TREML4: variants seen among roughly 807,000 people sequenced by gnomAD.
TREML4 encodes the protein trem-like transcript 4 protein.
TREML4 carries 25 observed loss-of-function variants against 25.4 expected under a neutral mutation model. The ratio of observed to expected loss-of-function variants is 0.98; its 90% CI spans 0.72 to 1.37. TREML4 has a LOEUF of 1.37. Among genes scored for constraint, TREML4 ranks in the 40% most tolerant of loss-of-function variants. The pLI is 0.00. For missense variants in TREML4, 268 were observed against 236.5 expected, an observed-to-expected ratio of 1.13 and a Z score of -0.87; for synonymous variants, 92 against 87.9, an observed-to-expected ratio of 1.05 and a Z score of -0.26.
In TREML4 at chr6:41,230,102, C is replaced by T; in HGVS notation, c.486C>T (p.Ser162=). The change falls in exon 4 of 6, where the codon TCC becomes TCT. Residue 162 remains serine (S), a synonymous_variant. Coordinates refer to ENST00000341495, the MANE Select transcript of TREML4 (RefSeq NM_198153.3). ...CAGAGGGGACCTCTGGCCATCCCTCCATCAATGGCTCTGAGACCAGGTAGG... is the reference window on the plus strand; with the variant it reads ...CAGAGGGGACCTCTGGCCATCCCTCTATCAATGGCTCTGAGACCAGGTAGG... The part of the protein sequence containing the change: ...TSPEGTSGHP[S]INGSETRKSR... 1 of 1,611,962 alleles carries T rather than the reference C, an allele frequency of 6.2e-7. No individual in the cohort carries two copies. The highest frequency in any genetic ancestry group is 1.1e-5 in the South Asian group (1 of 91,038).
At position 41,228,359 on chromosome 6, in the gene TREML4, T is replaced by G; in HGVS notation, c.-69T>G. The G allele has an allele frequency of 9.7e-7, 1 of 1,035,590 alleles. No homozygotes were observed. The allele number at this position is 1,035,590 out of a possible 1,614,324, so 64.2% of individuals were successfully genotyped here. A position where few individuals can be genotyped will look rare whatever the true frequency, so the allele number is the denominator to read the frequency against. ...ACCTGGGGCAGAATCAGACCCAGCG[T>G]CTGACTCCTCCTGAGAGGGCTCCCT... On this transcript the variant is annotated 5_prime_UTR_variant, in exon 1 of 6. Coordinates refer to ENST00000341495, the MANE Select transcript of TREML4 (RefSeq NM_198153.3).
At chr6:41,229,456 A>G (rs1437386881) in intron 2 of TREML4, 65 bp from the exon 3 acceptor site, 10 of 1,575,608 alleles carry the variant, frequency 6.3e-6, no homozygotes, top group African/African-American at 4.1e-5. Flanking sequence ...CCTCTTATGT[A>G]TGGGGTAGAC....
rs373988380 is a variant in TREML4, at chr6:41,236,581, G to T, written c.602G>T (p.Ter201LeuextTer41). ...CTCCTGGCCAAGGGCCTGATGTTGTGAGTCCTGTTAGTGCTCCTGATCTGC... is the reference window on the plus strand; with the variant it reads ...CTCCTGGCCAAGGGCCTGATGTTGTTAGTCCTGTTAGTGCTCCTGATCTGC... ...GLLLAKGLML[*>L] Residue 201 changes from the stop codon to leucine (L), a stop_lost, in exon 5 of 6, where the codon TGA becomes TTA. Coordinates refer to ENST00000341495, the MANE Select transcript of TREML4 (RefSeq NM_198153.3). 1.1e-5 allele frequency: 18 copies of T among 1,613,474 alleles called. No individual in the cohort carries two copies. The highest frequency in any genetic ancestry group is 1.5e-5 in the Non-Finnish European group (18 of 1,179,552).
At chr6:41,235,528 G>A (rs1052276602) in intron 4 of TREML4, among the ~76,000 whole-genome samples, 3 of 152,052 alleles carry the variant, frequency 2.0e-5, no homozygotes, top group Non-Finnish European at 4.4e-5. Flanking sequence ...ATTTCTATGA[G>A]GAATAATCAT....
At chr6:41,235,037 C>T (rs6922100) in intron 4 of TREML4, among the ~76,000 whole-genome samples, 51,605 of 151,732 alleles carry the variant, frequency 0.34, 8,783 homozygotes, top group Middle Eastern at 0.43. Context: ...CGAGGAGAGT[C>T]TTATCACAAA....
intron 3 of TREML4, 64 bp from the exon 4 acceptor site, chr6:41,229,998 G>T: frequency 7.1e-7 from 1 of 1,410,780 alleles, no homozygotes; most frequent in South Asian, 1.2e-5. Context: ...ACACTTTTGG[G>T]ACCCAATCCC....
At chr6:41,231,134 G>A (rs2113939058) in intron 4 of TREML4, 1 of 437,842 alleles carries the variant, frequency 2.3e-6, no homozygotes, top group Middle Eastern at 3.6e-4. Flanking sequence ...TCTACATTAT[G>A]TTGAGTTGTA....
rs1766938575 is a variant in TREML4, at chr6:41,238,238, C to A, written c.*1219C>A. On this transcript the variant is annotated 3_prime_UTR_variant, in exon 6 of 6. Coordinates refer to ENST00000341495, the MANE Select transcript of TREML4 (RefSeq NM_198153.3). Reference sequence around the variant, plus strand: ...TTATTTATTTTTTTAATCCTCATTCCCTATGTCCACTTGCCTTCCTCTCCG... The same window carrying A: ...TTATTTATTTTTTTAATCCTCATTCACTATGTCCACTTGCCTTCCTCTCCG... 6.6e-6 allele frequency: 1 copy of A among 152,180 alleles called. No individual in the cohort carries two copies. Among genetic ancestry groups the A allele is most frequent in the Admixed American group, 6.5e-5 (1 of 15,282 alleles). The allele number at this position is 152,180 out of a possible 1,614,324, so 9.4% of individuals were successfully genotyped here.
chr6:41,229,969 C>G (rs1371291791), intron 3 of TREML4, 93 bp from the exon 4 acceptor site: 48 of 1,043,220 alleles, frequency 4.6e-5, no homozygotes, highest in Middle Eastern at 2.0e-4. Context: ...CTGCCTCTGG[C>G]CCCTCTCCCC....
At position 41,230,044 on chromosome 6, in the gene TREML4, T is replaced by G. The variant is rs1468940774; in HGVS notation, c.446-18T>G. The G allele has an allele frequency of 1.9e-6, 3 of 1,604,276 alleles. No homozygotes were observed. The highest frequency in any genetic ancestry group is 2.6e-6 in the Non-Finnish European group (3 of 1,170,970). Reference sequence around the variant, plus strand: ...CTGGTGCCCTGGGCAGCCACTGTCTTCTTTGTGTCCTCTTTAGTTCTGATC... The same window carrying G: ...CTGGTGCCCTGGGCAGCCACTGTCTGCTTTGTGTCCTCTTTAGTTCTGATC... On this transcript the variant is annotated intron_variant, in intron 3 of 5. Transcript: ENST00000341495.
rs1401770093 is a variant in TREML4, at chr6:41,228,916, C to A, written c.266C>A (p.Ala89Asp). Reference sequence around the variant, plus strand: ...TACACAATCTGGGACAAGCCCAATGCTGGCTTCTTCAACATCACCATGATT... The same window carrying A: ...TACACAATCTGGGACAAGCCCAATGATGGCTTCTTCAACATCACCATGATT... ...SHYTIWDKPN[A>D]GFFNITMIQL... Residue 89 changes from alanine (A) to aspartate (D), a missense_variant, in exon 2 of 6, where the codon GCT becomes GAT. Transcript: ENST00000341495. 1 of 1,614,064 alleles carries A rather than the reference C, an allele frequency of 6.2e-7. No individual in the cohort carries two copies. Among genetic ancestry groups the A allele is most frequent in the Non-Finnish European group, 8.5e-7 (1 of 1,180,014 alleles).
At chr6:41,235,411 G>T (rs1290764471) in intron 4 of TREML4, among the ~76,000 whole-genome samples, 1 of 152,052 alleles carries the variant, frequency 6.6e-6, no homozygotes, top group East Asian at 1.9e-4. Context: ...GCAATTGATG[G>T]GATCATCTAC....
rs374501618 is a variant in TREML4, at chr6:41,236,539, T to C, written c.560T>C (p.Leu187Ser). The change falls in exon 5 of 6, where the codon TTG (leucine) becomes TCG (serine). Residue 187 changes from leucine (L) to serine (S), a missense_variant. Coordinates refer to ENST00000341495, the MANE Select transcript of TREML4 (RefSeq NM_198153.3). ...LGSGGPRFLV[L>S]VLCGLLLAKG... ...TCAGGTGGCCCCAGATTCCTGGTCTTGGTGCTATGTGGACTCCTCCTGGCC... is the reference window on the plus strand; with the variant it reads ...TCAGGTGGCCCCAGATTCCTGGTCTCGGTGCTATGTGGACTCCTCCTGGCC... The C allele has an allele frequency of 3.0e-5, 49 of 1,613,946 alleles. No individual in the cohort carries two copies. Among genetic ancestry groups the C allele is most frequent in the Admixed American group, 5.0e-5 (3 of 59,998 alleles).
At chr6:41,236,334 G>A (rs1216339454) in intron 4 of TREML4, 152 bp from the exon 5 acceptor site, 5 of 620,176 alleles carry the variant, frequency 8.1e-6, no homozygotes, top group Non-Finnish European at 1.5e-5. Context: ...AGAGACCTCT[G>A]TGGCTCCTGC....
At chr6:41,234,361 ATT>A (rs1766860205) in intron 4 of TREML4, among the ~76,000 whole-genome samples, 1 of 152,050 alleles carries the variant, frequency 6.6e-6, no homozygotes, top group Non-Finnish European at 1.5e-5. Context: ...AAGATTTCAA[ATT>A]AATGAGCTAA....
chr6:41,229,500 T>A, intron 2 of TREML4, 21 bp from the exon 3 acceptor site: 1 of 1,613,688 alleles, frequency 6.2e-7, no homozygotes, highest in Non-Finnish European at 8.5e-7. Context: ...AGAGTCATTG[T>A]CTGCTGTCTT....
intron 4 of TREML4, among the ~76,000 whole-genome samples, chr6:41,230,809 C>T (rs1766781963): frequency 6.6e-6 from 1 of 152,136 alleles, no homozygotes; most frequent in South Asian, 2.1e-4. Context: ...GGGTCTTGTG[C>T]TCTAGGGCAG....
chr6:41,237,439 A>T lies in TREML4; in HGVS notation c.*420A>T, dbSNP rs1010912533. 2 of 152,438 alleles carry T rather than the reference A, an allele frequency of 1.3e-5. No homozygotes were observed. The highest frequency in any genetic ancestry group is 4.8e-5 in the African/African-American group (2 of 41,454). The allele number at this position is 152,438 out of a possible 1,614,324, so 9.4% of individuals were successfully genotyped here. ...TCTGTCGTTCTCTGAGCCCCACCTCAGCAGGTCTCCAGGATCCCTCACATT... is the reference window on the plus strand; with the variant it reads ...TCTGTCGTTCTCTGAGCCCCACCTCTGCAGGTCTCCAGGATCCCTCACATT... On this transcript the variant is annotated 3_prime_UTR_variant, in exon 6 of 6. Transcript: ENST00000341495.
At chr6:41,230,699 A>G (rs1431432003) in intron 4 of TREML4, among the ~76,000 whole-genome samples, 1 of 152,204 alleles carries the variant, frequency 6.6e-6, no homozygotes, top group Non-Finnish European at 1.5e-5. Flanking sequence ...CTTCTCCTGC[A>G]AACTCCAGCA....
Sources: gnomAD v4.1 joint callset for allele counts (sites outside exome capture counted in the v4.1 genomes callset) on GRCh38, gnomAD v4.1.1 for gene constraint, MANE v1.5 for transcripts, NCBI Gene and HGNC (gene_info 2026-07-23, HGNC 2026-07-21) for gene names.